SDK2: variants seen among roughly 807,000 people sequenced by gnomAD.
The protein encoded by SDK2 is sidekick cell adhesion molecule 2.
A neutral mutation model predicts 253.9 loss-of-function variants in SDK2; 105 were observed. The observed-to-expected ratio is 0.41, with a 90% CI of 0.35 to 0.49. SDK2 has a LOEUF of 0.49. Ranked by LOEUF, SDK2 falls within the 20% of genes least tolerant of loss-of-function variation. The pLI, the probability that SDK2 is intolerant of heterozygous loss-of-function variation, is 0.06. For synonymous variants in SDK2, 1,249 were observed against 1,234.9 expected (o/e 1.01, Z -0.24); for missense variants, 2,608 against 3,003.0 (o/e 0.87, Z 3.07).
intron 12 of SDK2, among the ~76,000 whole-genome samples, chr17:73,427,762 A>G (rs2063295045): frequency 6.6e-6 from 1 of 152,166 alleles, no homozygotes; most frequent in African/African-American, 2.4e-5. Context: ...AAGATAATAC[A>G]GGAGAACATC....
chr17:73,534,035 G>T lies in SDK2; in HGVS notation c.65-26438C>A, dbSNP rs886082947. ...TGCAGCCAAGACGCCATTCTGCTCC[G>T]CCTGCTCCCTGCTCCTCCTCCTCCT... On this transcript the variant is annotated intron_variant, in intron 1 of 44. Transcript: ENST00000392650. This position sits in a 1 kb window ranked among gnomAD's most constrained non-coding sequence, Gnocchi z 4.9. Among the ~76,000 whole-genome samples, 6 of 152,078 alleles carry T rather than the reference G, an allele frequency of 3.9e-5. No individual in the cohort carries two copies. Among genetic ancestry groups the T allele is most frequent in the African/African-American group, 1.4e-4 (6 of 41,470 alleles).
chr17:73,594,387 T>TCC (rs1348970507), intron 1 of SDK2, among the ~76,000 whole-genome samples: 1 of 151,988 alleles, frequency 6.6e-6, no homozygotes, highest in Non-Finnish European at 1.5e-5. Flanking sequence ...AAGATGCCCT[T>TCC]CCCTCCCCCA....
At chr17:73,626,362 C>G (rs2046202197) in intron 1 of SDK2, among the ~76,000 whole-genome samples, 1 of 152,244 alleles carries the variant, frequency 6.6e-6, no homozygotes, top group South Asian at 2.1e-4. Context: ...CCACCCCCAC[C>G]ACACCCAAAC....
chr17:73,463,816 T>C (rs529610504), intron 3 of SDK2, among the ~76,000 whole-genome samples: 28 of 152,300 alleles, frequency 1.8e-4, no homozygotes, highest in Non-Finnish European at 3.8e-4. Context: ...TTTTTGGTGC[T>C]TTGCTGTCCT....
intron 2 of SDK2, among the ~76,000 whole-genome samples, chr17:73,484,811 C>T (rs2063759978): frequency 6.6e-6 from 1 of 152,192 alleles, no homozygotes; most frequent in South Asian, 2.1e-4. Flanking sequence ...CTGGGTTTCT[C>T]TCCTCCCCCA....
chr17:73,525,346 G>T (rs879733505), intron 1 of SDK2, among the ~76,000 whole-genome samples: 1 of 152,152 alleles, frequency 6.6e-6, no homozygotes, highest in Non-Finnish European at 1.5e-5. Flanking sequence ...AGGGCAGGCC[G>T]GTAGCTAGGG....
chr17:73,472,552 C>T (rs1024213768), intron 2 of SDK2, among the ~76,000 whole-genome samples: 4 of 152,190 alleles, frequency 2.6e-5, no homozygotes, highest in Admixed American at 2.0e-4. Context: ...TGACCTGTGA[C>T]TCACATGACT....
intron 1 of SDK2, among the ~76,000 whole-genome samples, chr17:73,559,181 C>G (rs1166000011): frequency 6.6e-6 from 1 of 152,160 alleles, no homozygotes; most frequent in Non-Finnish European, 1.5e-5. Context: ...AGTATTTGTT[C>G]CAGTCAATGG....
chr17:73,506,457 C>T (rs145836470), intron 2 of SDK2, among the ~76,000 whole-genome samples: 3,499 of 152,234 alleles, frequency 0.023, 77 homozygotes, highest in Non-Finnish European at 0.032. Context: ...GGCAGAAAGA[C>T]TGGGGTGGGG....
In SDK2 at chr17:73,430,604, C is replaced by T. The variant is rs775786137; in HGVS notation, c.1490G>A (p.Arg497His). 3.5e-5 allele frequency: 55 copies of T among 1,562,948 alleles called. No homozygotes were observed. Among genetic ancestry groups the T allele is most frequent in the African/African-American group, 1.8e-4 (13 of 72,766 alleles). ...CTGATCCTGGGGGGGCTTGGTGATG[C>T]GGGTCCGAGCTGAAAGATACAGCGG... ...SADLVVWARTRITKPPQDQSV... is the reference protein window; with the variant it reads ...SADLVVWARTHITKPPQDQSV... The change falls in exon 12 of 45, where the codon CGC becomes CAC. Residue 497 changes from arginine to histidine, a missense_variant. Arg to His is a conservative substitution (Grantham distance 29, BLOSUM62 0). This residue lies in a region of SDK2 where 1,505 missense variants were observed against 1,859.1 expected (regional missense o/e 0.81). Transcript: ENST00000392650.
chr17:73,465,079 C>A lies in SDK2; in HGVS notation c.331+7033G>T, dbSNP rs2063588023. 6.6e-6 allele frequency among the ~76,000 whole-genome samples: 1 copy of A among 152,130 alleles called. No homozygotes were observed. Among genetic ancestry groups the A allele is most frequent in the Non-Finnish European group, 1.5e-5 (1 of 68,028 alleles). ...CTCCAGAAAGACACATTGATGTTAT[C>A]AGGAACTGTCACTTGGCCCCTAAGC... On this transcript the variant is annotated intron_variant, in intron 3 of 44. Coordinates refer to ENST00000392650, the MANE Select transcript of SDK2 (RefSeq NM_001144952.2). The surrounding 1 kb of genome is among the most constrained non-coding windows in gnomAD (Gnocchi z 4.2).
In SDK2 at chr17:73,478,405, AG is replaced by A. The variant is rs200234833; in HGVS notation, c.225-6188del. ...CAGCAGGCGGTAGAGAGAGCACCTC[AG>A]GGGCTGGGCTTGGGGCTGGGGGCAG... is the stretch of plus-strand genomic sequence containing the variant. On this transcript the variant is annotated intron_variant, in intron 2 of 44. Coordinates refer to ENST00000392650, the MANE Select transcript of SDK2 (RefSeq NM_001144952.2). Among the ~76,000 whole-genome samples, 721 of 152,220 alleles carry A rather than the reference AG, an allele frequency of 4.7e-3. 5 individuals carry two copies. Among genetic ancestry groups the A allele is most frequent in the African/African-American group, 0.017 (693 of 41,530 alleles).
chr17:73,347,308 G>A (rs539718141), intron 44 of SDK2, among the ~76,000 whole-genome samples: 18 of 152,284 alleles, frequency 1.2e-4, no homozygotes, highest in African/African-American at 4.1e-4. Context: ...CTCAGTAAGT[G>A]GAGATTGCGC....
chr17:73,586,510 CT>C (rs1354593404), intron 1 of SDK2, among the ~76,000 whole-genome samples: 1 of 152,134 alleles, frequency 6.6e-6, no homozygotes, highest in African/African-American at 2.4e-5. Context: ...CAAATCTTAT[CT>C]CCTCCTCGAG....
intron 18 of SDK2, among the ~76,000 whole-genome samples, chr17:73,412,088 ATATACGTATATATGTATACGTATATATG>A (rs796480464): frequency 5.7e-4 from 54 of 94,990 alleles, no homozygotes; most frequent in African/African-American, 1.0e-3. Context: ...GTATATGTAT[ATATACGTATATATGTATACGTATATATG>A]TATACGTATA....
intron 5 of SDK2, among the ~76,000 whole-genome samples, chr17:73,445,528 A>G (rs748367967): frequency 1.3e-5 from 2 of 152,034 alleles, no homozygotes; most frequent in Non-Finnish European, 2.9e-5. Flanking sequence ...GGTTCTGAAG[A>G]GCATAGGGTC....
chr17:73,564,824 GA>G (rs34949983), intron 1 of SDK2, among the ~76,000 whole-genome samples: 1 of 137,106 alleles, frequency 7.3e-6, no homozygotes, highest in Non-Finnish European at 1.6e-5. Context: ...GACTCTGTCT[GA>G]AAAAAAAACA....
In SDK2 at chr17:73,570,789, G is replaced by A. The variant is rs1205511703; in HGVS notation, c.65-63192C>T. On this transcript the variant is annotated intron_variant, in intron 1 of 44. Coordinates refer to ENST00000392650, the MANE Select transcript of SDK2 (RefSeq NM_001144952.2). The surrounding 1 kb of genome is among the most constrained non-coding windows in gnomAD (Gnocchi z 4.2). ...GAGGGGCCCTCTTCTACCCATTCCTGTGTTCTTCCTGCCCCTCACTGGACT... is the reference window on the plus strand; with the variant it reads ...GAGGGGCCCTCTTCTACCCATTCCTATGTTCTTCCTGCCCCTCACTGGACT... Among the ~76,000 whole-genome samples, 1 of 152,162 alleles carries A rather than the reference G, an allele frequency of 6.6e-6. No individual in the cohort carries two copies. The highest frequency in any genetic ancestry group is 2.4e-5 in the African/African-American group (1 of 41,448).
intron 8 of SDK2, among the ~76,000 whole-genome samples, chr17:73,437,433 A>C (rs1046620591): frequency 2.0e-4 from 30 of 152,066 alleles, no homozygotes; most frequent in African/African-American, 6.5e-4. Context: ...GCATTACGGT[A>C]ATTTGTCATT....
Sources: allele counts gnomAD v4.1 joint callset (sites outside exome capture counted in the v4.1 genomes callset), GRCh38; gene constraint gnomAD v4.1.1; regional missense constraint gnomAD v4.1.1; non-coding constraint Gnocchi (gnomAD v3.1); transcripts MANE v1.5; gene names NCBI Gene and HGNC (gene_info 2026-07-23, HGNC 2026-07-21).